MED12L: variants seen among roughly 807,000 people sequenced by gnomAD.
MED12L encodes mediator of RNA polymerase II transcription subunit 12-like protein.
A neutral mutation model predicts 281.3 loss-of-function variants in MED12L; 60 were observed. The observed-to-expected ratio is 0.21, with a 90% confidence interval of 0.17 to 0.26. The LOEUF is 0.26. Among genes scored for constraint, MED12L ranks in the 10% least tolerant of loss-of-function variants. MED12L has a pLI of 1.00. For synonymous variants in MED12L, 974 were observed against 987.2 expected (o/e 0.99, Z 0.25); for missense variants, 2,146 against 2,680.9 (o/e 0.80, Z 4.41).
intron 16 of MED12L, among the ~76,000 whole-genome samples, chr3:151,201,225 T>A (rs1485041179): frequency 1.8e-4 from 21 of 118,602 alleles, no homozygotes; most frequent in Non-Finnish European, 2.5e-4. Context: ...GTGCACACAC[T>A]CTCTCTCTCT....
intron 16 of MED12L, among the ~76,000 whole-genome samples, chr3:151,248,512 C>A (rs368621704): frequency 2.6e-5 from 4 of 152,050 alleles, no homozygotes; most frequent in African/African-American, 9.7e-5. Context: ...TATCATAACC[C>A]AGCTGTACTG....
chr3:151,170,259 ATTTC>A (rs1478514148), intron 11 of MED12L, among the ~76,000 whole-genome samples: 2 of 145,536 alleles, frequency 1.4e-5, no homozygotes, highest in Non-Finnish European at 3.0e-5. Context: ...GGAATGCACT[ATTTC>A]TTTTTTTCTT....
chr3:151,118,026 G>A (rs1713117513), intron 3 of MED12L, among the ~76,000 whole-genome samples: 5 of 149,656 alleles, frequency 3.3e-5, no homozygotes, highest in Non-Finnish European at 7.4e-5. Context: ...AGGAGGCGGA[G>A]GTTGCAGTGA....
In MED12L at chr3:151,188,357, T is replaced by C; in HGVS notation, c.1630T>C (p.Cys544Arg). 2 of 1,597,618 alleles carry C rather than the reference T, an allele frequency of 1.3e-6. No individual in the cohort carries two copies. The highest frequency in any genetic ancestry group is 1.7e-6 in the Non-Finnish European group (2 of 1,165,294). The change falls in exon 13 of 45, where the codon TGT becomes CGT. Residue 544 changes from cysteine to arginine, a missense_variant. Cys to Arg is a radical substitution (Grantham distance 180). This residue lies in a region of MED12L where 722 missense variants were observed against 861.2 expected (regional missense o/e 0.84). Transcript: ENST00000687756. ...GTTATTTATTTTTAATCTGTAGAGA[T>C]GTGGTGAATCAGAAGTCTTAGATGA... Reference protein sequence around the residue: ...KRQAEIEAERCGESEVLDEKE... With the variant: ...KRQAEIEAERRGESEVLDEKE...
At chr3:151,316,480 T>G (rs1748257309) in intron 16 of MED12L, 1 of 152,232 alleles carries the variant, frequency 6.6e-6, no homozygotes, top group Admixed American at 6.5e-5. Flanking sequence ...TAATTTCTAG[T>G]TTTTCTTCAA....
intron 43 of MED12L, among the ~76,000 whole-genome samples, chr3:151,426,529 G>T (rs766021032): frequency 1.3e-4 from 20 of 152,318 alleles, no homozygotes; most frequent in Non-Finnish European, 2.8e-4. Context: ...GGAAGCAGAT[G>T]TGGTAAAACA....
chr3:151,319,468 C>CGTGTGTGTGTGTGT (rs34335179), intron 16 of MED12L, among the ~76,000 whole-genome samples: 7 of 145,656 alleles, frequency 4.8e-5, no homozygotes, highest in African/African-American at 1.5e-4. Flanking sequence ...TGTGTGTGTG[C>CGTGTGTGTGTGTGT]GTGTGTGTGT....
At chr3:151,098,945 A>G (rs1406586203) in intron 2 of MED12L, among the ~76,000 whole-genome samples, 2 of 152,158 alleles carry the variant, frequency 1.3e-5, no homozygotes, top group African/African-American at 4.8e-5. Context: ...GGAAGGTGAA[A>G]GCCATGTCTT....
Position 151,236,911 on chromosome 3 carries a change from G to GT in MED12L, c.2250+43246dup, listed in dbSNP as rs570023366. Among the ~76,000 whole-genome samples the GT allele has an allele frequency of 2.6e-4, 40 of 152,204 alleles. No individual in the cohort carries two copies. In the South Asian group the frequency reaches 5.4e-3, roughly 20 times the overall value. On this transcript the variant is annotated intron_variant, in intron 16 of 44. Coordinates refer to ENST00000687756, the MANE Select transcript of MED12L (RefSeq NM_001393769.1). ...GGGGTATTTCCAGGTTTTTGCCATT[G>GT]TGAGTCATGCCGAGATGCATATCTT...
chr3:151,157,536 A>T (rs1348827083), intron 6 of MED12L, among the ~76,000 whole-genome samples: 1 of 152,104 alleles, frequency 6.6e-6, no homozygotes, highest in Non-Finnish European at 1.5e-5. Flanking sequence ...AAAAAATTTT[A>T]ATTAATTTTT....
chr3:151,095,280 G>A (rs1006653200), intron 2 of MED12L, among the ~76,000 whole-genome samples: 2 of 152,168 alleles, frequency 1.3e-5, no homozygotes, highest in Non-Finnish European at 2.9e-5. Context: ...CAATTCAATA[G>A]TAGTAGTATT....
At position 151,387,540 on chromosome 3, in the gene MED12L, T is replaced by C. The variant is rs554459277; in HGVS notation, c.5089-270T>C. Among the ~76,000 whole-genome samples, 108 of 152,274 alleles carry C rather than the reference T, an allele frequency of 7.1e-4. 1 individual carries two copies. Among genetic ancestry groups the C allele is most frequent in the African/African-American group, 2.5e-3 (102 of 41,566 alleles). ...GAATTTTTTTAGCAAAAAGAGGAAA[T>C]ACACATTAACAATAAAATATGCTAG... On this transcript the variant is annotated intron_variant, in intron 36 of 44. Coordinates refer to ENST00000687756, the MANE Select transcript of MED12L (RefSeq NM_001393769.1).
In MED12L at chr3:151,191,789, C is replaced by G. The variant is rs542398795; in HGVS notation, c.1969-761C>G. ...GGCGTGGTGGCACATGCCTGTAGTCCCAGCTACTCAGGAGGCTGAGGCAGG... is the reference window on the plus strand; with the variant it reads ...GGCGTGGTGGCACATGCCTGTAGTCGCAGCTACTCAGGAGGCTGAGGCAGG... On this transcript the variant is annotated intron_variant, in intron 14 of 44. Coordinates refer to ENST00000687756, the MANE Select transcript of MED12L (RefSeq NM_001393769.1). Among the ~76,000 whole-genome samples, 3 of 152,166 alleles carry G rather than the reference C, an allele frequency of 2.0e-5. No homozygotes were observed. In the East Asian group the frequency reaches 5.8e-4, roughly 29 times the overall value.
intron 11 of MED12L, among the ~76,000 whole-genome samples, chr3:151,170,539 G>T (rs1189469625): frequency 5.9e-5 from 9 of 152,056 alleles, no homozygotes; most frequent in African/African-American, 1.9e-4. Flanking sequence ...CTCCCAAAGT[G>T]CTAGAATTAC....
intron 16 of MED12L, among the ~76,000 whole-genome samples, chr3:151,249,484 G>A (rs563437659): frequency 6.6e-6 from 1 of 152,100 alleles, no homozygotes; most frequent in African/African-American, 2.4e-5. Flanking sequence ...GTCTTGATTG[G>A]TGCAGGGCAA....
chr3:151,242,129 A>G (rs532716663), intron 16 of MED12L, among the ~76,000 whole-genome samples: 1 of 152,288 alleles, frequency 6.6e-6, no homozygotes, highest in Non-Finnish European at 1.5e-5. Flanking sequence ...TCCTACGCCC[A>G]TGGAGTCTCG....
rs563746905 is a variant in MED12L at position 151,119,483 on chromosome 3, G to A, written c.204+3041G>A. On this transcript the variant is annotated intron_variant, in intron 3 of 44. Coordinates refer to ENST00000687756, the MANE Select transcript of MED12L (RefSeq NM_001393769.1). ...TTCTCCTTGTGTGTTCCTCCGTGGT[G>A]TCTCCTCTTATAAAGTCCTACTGGA... Among the ~76,000 whole-genome samples, 11 of 152,214 alleles carry A rather than the reference G, an allele frequency of 7.2e-5. No homozygotes were observed. In the South Asian group the frequency reaches 2.3e-3, roughly 32 times the overall value.
intron 16 of MED12L, among the ~76,000 whole-genome samples, chr3:151,344,706 A>G (rs989360471): frequency 6.6e-6 from 1 of 152,224 alleles, no homozygotes; most frequent in Non-Finnish European, 1.5e-5. Context: ...GGACAATTAC[A>G]TCCACTTCAT....
intron 11 of MED12L, among the ~76,000 whole-genome samples, chr3:151,184,340 G>A (rs1305646058): frequency 6.6e-6 from 1 of 152,168 alleles, no homozygotes; most frequent in Non-Finnish European, 1.5e-5. Flanking sequence ...ATGTATGTAT[G>A]TTCTTCCATG....
Sources: gnomAD v4.1 joint callset for allele counts (sites outside exome capture counted in the v4.1 genomes callset) on GRCh38, gnomAD v4.1.1 for gene constraint, gnomAD v4.1.1 regional missense constraint, MANE v1.5 for transcripts, NCBI Gene and HGNC (gene_info 2026-07-23, HGNC 2026-07-21) for gene names.